Variants in TAMM41 observed in about 807,000 individuals in gnomAD.
TAMM41 encodes the protein TAM41 mitochondrial translocator assembly and maintenance homolog.
In TAMM41, 36 loss-of-function variants were observed where a neutral mutation model predicts 44.1. That is an observed-to-expected ratio of 0.82 (90% CI 0.63 to 1.08). The LOEUF (loss-of-function observed/expected upper bound fraction) is 1.08. Ranked by LOEUF, TAMM41 falls within the 50% of genes least tolerant of loss-of-function variation. TAMM41 has a pLI of 0.00. For synonymous variants in TAMM41, 164 were observed against 153.1 expected (o/e 1.07, Z -0.53); for missense variants, 417 against 404.3 (o/e 1.03, Z -0.27).
chr3:11,767,626 A>ATTTTTTTTTTTTTTT, the TAMM41 span, among the ~76,000 whole-genome samples: 644 of 60,636 alleles, frequency 0.011, 195 homozygotes, highest in Non-Finnish European at 0.015. Flanking sequence ...CACGTTGTGC[A>ATTTTTTTTTTTTTTT]TTTTTTTTTT....
At chr3:11,722,252 T>A in the TAMM41 span, among the ~76,000 whole-genome samples, 27 of 149,894 alleles carry the variant, frequency 1.8e-4, no homozygotes, top group African/African-American at 6.6e-4. Context: ...CAAGGATTAA[T>A]CTCACTCTTT....
the TAMM41 span, among the ~76,000 whole-genome samples, chr3:11,744,869 AT>A: frequency 8.1e-5 from 12 of 148,094 alleles, no homozygotes; most frequent in East Asian, 4.1e-4. Context: ...TCTACAGGTA[AT>A]TTTTTTTTTT....
intron 4 of TAMM41, among the ~76,000 whole-genome samples, chr3:11,822,566 G>C (rs145061809): frequency 6.6e-6 from 1 of 152,204 alleles, no homozygotes; most frequent in Non-Finnish European, 1.5e-5. Flanking sequence ...CTAGACAATG[G>C]AGATCCAGGT....
intron 4 of TAMM41, among the ~76,000 whole-genome samples, chr3:11,820,380 T>C (rs2078466264): frequency 6.6e-6 from 1 of 152,196 alleles, no homozygotes; most frequent in Non-Finnish European, 1.5e-5. Flanking sequence ...ATTTACCATT[T>C]TAAAATATCA....
the TAMM41 span, among the ~76,000 whole-genome samples, chr3:11,759,405 C>T: frequency 1.3e-5 from 2 of 151,708 alleles, no homozygotes; most frequent in South Asian, 2.1e-4. Context: ...GGAAGTGGTA[C>T]GGTGGAAGGG....
intron 5 of TAMM41, among the ~76,000 whole-genome samples, chr3:11,815,609 T>G (rs770261610): frequency 6.6e-6 from 1 of 151,986 alleles, no homozygotes; most frequent in African/African-American, 2.4e-5. Context: ...ACAAAAAATA[T>G]GAAGTAACTT....
chr3:11,754,677 CT>C, the TAMM41 span, among the ~76,000 whole-genome samples: 1 of 147,094 alleles, frequency 6.8e-6, no homozygotes, highest in Non-Finnish European at 1.5e-5. Flanking sequence ...ACCACTAACT[CT>C]TTTTAACCTC....
chr3:11,813,605 T>C (rs930565744), intron 5 of TAMM41, among the ~76,000 whole-genome samples: 16 of 152,060 alleles, frequency 1.1e-4, no homozygotes, highest in African/African-American at 3.9e-4. Flanking sequence ...TTGACAAGCC[T>C]GATATATCAC....
chr3:11,764,455 C>T, the TAMM41 span, among the ~76,000 whole-genome samples: 1 of 150,464 alleles, frequency 6.6e-6, no homozygotes, highest in Non-Finnish European at 1.5e-5. Context: ...CCAGGGTAAC[C>T]AGCAAGGTCC....
intron 3 of TAMM41, chr3:11,832,906 AC>A (rs1233868430): frequency 1.4e-5 from 12 of 855,986 alleles, no homozygotes; most frequent in Non-Finnish European, 1.7e-5. Flanking sequence ...TTAACAAAAT[AC>A]CACTTGTTCT....
intron 4 of TAMM41, among the ~76,000 whole-genome samples, chr3:11,824,808 C>T (rs1284371617): frequency 2.6e-5 from 4 of 152,070 alleles, no homozygotes; most frequent in Non-Finnish European, 5.9e-5. Context: ...GAACAAAGAC[C>T]AAAGATCAGC....
In TAMM41 at chr3:11,808,270, C is replaced by T. The variant is rs9838236; in HGVS notation, c.875-375G>A. 5,534 of 1,056,418 alleles carry T rather than the reference C, an allele frequency of 5.2e-3. 244 individuals are homozygous for T. The African/African-American group carries it at 0.084, about 16-fold the overall frequency. The allele number at this position is 1,056,418 out of a possible 1,614,324, so 65.4% of individuals were successfully genotyped here. Reference sequence around the variant, plus strand: ...GATAAAAACCAAATGATTACATCTACGAGAAAAACTTTCATTCTGAAAACA... The same window carrying T: ...GATAAAAACCAAATGATTACATCTATGAGAAAAACTTTCATTCTGAAAACA... On this transcript the variant is annotated intron_variant, in intron 6 of 7. Coordinates refer to ENST00000455809, the MANE Select transcript of TAMM41 (RefSeq NM_001284401.2).
At chr3:11,809,437 A>G in intron 6 of TAMM41, 80 bp downstream of exon 6, 1 of 1,538,436 alleles carries the variant, frequency 6.5e-7, no homozygotes, top group Non-Finnish European at 8.9e-7. Flanking sequence ...AAAAAGGAAG[A>G]AATAATACAT....
intron 7 of TAMM41, among the ~76,000 whole-genome samples, chr3:11,797,856 A>G (rs1463130899): frequency 6.6e-6 from 1 of 152,240 alleles, no homozygotes; most frequent in Non-Finnish European, 1.5e-5. Context: ...GACACTTTTC[A>G]AAGGAAGACA....
downstream of TAMM41, among the ~76,000 whole-genome samples, chr3:11,785,801 T>A (rs1343853919): frequency 1.3e-5 from 2 of 152,002 alleles, no homozygotes; most frequent in Admixed American, 6.6e-5. Context: ...TTACTTTTTG[T>A]AGAGATGAGG....
the TAMM41 span, among the ~76,000 whole-genome samples, chr3:11,780,287 G>C: frequency 6.6e-6 from 1 of 152,124 alleles, no homozygotes; most frequent in Admixed American, 6.6e-5. Context: ...TATTCATCTT[G>C]AACTAACTTT....
chr3:11,760,641 A>G, the TAMM41 span, among the ~76,000 whole-genome samples: 3 of 151,654 alleles, frequency 2.0e-5, no homozygotes, highest in Non-Finnish European at 2.9e-5. Flanking sequence ...GCTCACTGCA[A>G]CCTCCACCTC....
the TAMM41 span, among the ~76,000 whole-genome samples, chr3:11,723,332 C>T: frequency 6.6e-6 from 1 of 152,148 alleles, no homozygotes; most frequent in Admixed American, 6.5e-5. Flanking sequence ...GTATTCCCAG[C>T]ACTTTGGTAG....
rs140876579 is a variant in TAMM41 at position 11,809,248 on chromosome 3, T to C, written c.874+269A>G. The stretch of plus-strand genomic sequence containing the variant: ...TCTTTTAAATAAATTCTAGAAGTTG[T>C]GCTCTAGGAACCAAAAGAAACATTG... On this transcript the variant is annotated intron_variant, in intron 6 of 7. Transcript: ENST00000455809. 9 of 462,916 alleles carry C rather than the reference T, an allele frequency of 1.9e-5. No homozygotes were observed. In the East Asian group the frequency reaches 3.6e-4, roughly 18 times the overall value. 28.7% of individuals were successfully genotyped at this position (462,916 alleles called of 1,614,324 possible).
Sources: gnomAD v4.1 joint callset for allele counts (sites outside exome capture counted in the v4.1 genomes callset) on GRCh38, gnomAD v4.1.1 for gene constraint, MANE v1.5 for transcripts, NCBI Gene and HGNC (gene_info 2026-07-23, HGNC 2026-07-21) for gene names.